The following PPFIBP2 variants were observed in gnomAD, a reference collection of about 807,000 sequenced individuals.
PPFIBP2 encodes the protein PPFIB scaffold protein 2.
Under a neutral mutation model 118.3 loss-of-function variants are expected in PPFIBP2, and 118 were observed. That is an observed-to-expected ratio of 1.00 (90% CI 0.86 to 1.16). The LOEUF (loss-of-function observed/expected upper bound fraction) is 1.16. PPFIBP2 is among the 50% of genes most tolerant of loss of function. The pLI, the probability that PPFIBP2 is intolerant of heterozygous loss-of-function variation, is 0.00. For missense variants in PPFIBP2, 1,195 were observed against 1,073.1 expected, an observed-to-expected ratio of 1.11 and a Z score of -1.59; for synonymous variants, 414 against 397.4, an observed-to-expected ratio of 1.04 and a Z score of -0.50.
At chr11:7,556,108 A>C (rs1853584684) in intron 2 of PPFIBP2, among the ~76,000 whole-genome samples, 1 of 152,222 alleles carries the variant, frequency 6.6e-6, no homozygotes, top group Non-Finnish European at 1.5e-5. Flanking sequence ...AACATATAAA[A>C]GCATTTGGCC....
At position 7,651,789 on chromosome 11, in the gene PPFIBP2, G is replaced by A. The variant is rs756491171; in HGVS notation, c.2381G>A (p.Arg794Gln). ...GGTCCGGAGGCTGAACAGGAGAAGC[G>A]AGAGAAAATGGCCTCACCAGCTTAC... ...LIGPEAEQEK[R>Q]EKMASPAYTP... The change falls in exon 23 of 24, where the codon CGA (arginine) becomes CAA (glutamine). Residue 794 changes from arginine to glutamine, a missense_variant. Coordinates refer to ENST00000299492, the MANE Select transcript of PPFIBP2 (RefSeq NM_003621.5). The A allele has an allele frequency of 1.5e-5, 25 of 1,613,938 alleles. No homozygotes were observed. In the Admixed American group the frequency reaches 1.8e-4, roughly 12 times the overall value.
chr11:7,610,055 A>T (rs560316848), intron 5 of PPFIBP2, among the ~76,000 whole-genome samples: 1 of 152,232 alleles, frequency 6.6e-6, no homozygotes, highest in Non-Finnish European at 1.5e-5. Context: ...CATTTGAGAA[A>T]TGTAGCTCAC....
intron 2 of PPFIBP2, among the ~76,000 whole-genome samples, chr11:7,564,371 T>C (rs750961555): frequency 2.0e-5 from 3 of 152,184 alleles, no homozygotes; most frequent in Non-Finnish European, 4.4e-5. Flanking sequence ...AAATGTAATA[T>C]GGACTCTCTC....
chr11:7,647,672 G>A (rs1853308947), intron 17 of PPFIBP2, among the ~76,000 whole-genome samples: 1 of 152,262 alleles, frequency 6.6e-6, no homozygotes, highest in East Asian at 1.9e-4. Flanking sequence ...GTTTATATGT[G>A]TATTTCGTAA....
At chr11:7,657,862 C>A (rs1031821949), downstream of PPFIBP2, among the ~76,000 whole-genome samples, 2 of 152,218 alleles carry the variant, frequency 1.3e-5, no homozygotes, top group Admixed American at 1.3e-4. Context: ...TCTTACCATA[C>A]CCGTCCTCAC....
chr11:7,558,960 A>G (rs1231099775), intron 2 of PPFIBP2, among the ~76,000 whole-genome samples: 2 of 152,184 alleles, frequency 1.3e-5, no homozygotes, highest in Non-Finnish European at 2.9e-5. Flanking sequence ...CAGCTTAAGC[A>G]TCATTTTAGT....
chr11:7,562,981 G>A (rs7128665), intron 2 of PPFIBP2, among the ~76,000 whole-genome samples: 26,128 of 88,720 alleles, frequency 0.29, 2,833 homozygotes, highest in Middle Eastern at 0.34. Context: ...ATATATACAC[G>A]CACACACACA....
chr11:7,543,864 AC>A (rs1274380407), intron 1 of PPFIBP2, among the ~76,000 whole-genome samples: 1 of 152,216 alleles, frequency 6.6e-6, no homozygotes, highest in African/African-American at 2.4e-5. Flanking sequence ...TAGAACACAT[AC>A]AGATCTTGCT....
chr11:7,610,755 A>G (rs1054222892), intron 6 of PPFIBP2, among the ~76,000 whole-genome samples: 1 of 152,186 alleles, frequency 6.6e-6, no homozygotes, highest in Non-Finnish European at 1.5e-5. Flanking sequence ...ATGACGACGT[A>G]CCGGAATGAA....
chr11:7,523,291 G>A (rs992239798), intron 1 of PPFIBP2, among the ~76,000 whole-genome samples: 1 of 152,170 alleles, frequency 6.6e-6, no homozygotes, highest in African/African-American at 2.4e-5. Flanking sequence ...TCTTTGTCAT[G>A]GACGCTGACA....
At chr11:7,518,505 TG>T (rs1849439701) in intron 1 of PPFIBP2, among the ~76,000 whole-genome samples, 1 of 152,094 alleles carries the variant, frequency 6.6e-6, no homozygotes, top group Non-Finnish European at 1.5e-5. Flanking sequence ...GTGGGAGTCC[TG>T]GTTGGGGACT....
intron 12 of PPFIBP2, among the ~76,000 whole-genome samples, chr11:7,634,103 C>G (rs10734621): frequency 0.92 from 139,899 of 152,186 alleles, 64,340 homozygotes; most frequent in East Asian, 0.99. Flanking sequence ...CCAGGTCCCT[C>G]CTCCCTGGAT....
chr11:7,648,576 C>T, intron 18 of PPFIBP2, 39 bp downstream of exon 18: 1 of 1,608,710 alleles, frequency 6.2e-7, no homozygotes, highest in Non-Finnish European at 8.5e-7. Flanking sequence ...TCCCATTTCT[C>T]CCCAAAGCAT....
intron 3 of PPFIBP2, among the ~76,000 whole-genome samples, chr11:7,568,488 C>G (rs1489555961): frequency 6.6e-6 from 1 of 152,204 alleles, no homozygotes; most frequent in African/African-American, 2.4e-5. Context: ...GAGGGAAACT[C>G]TCTGCAACCC....
intron 5 of PPFIBP2, among the ~76,000 whole-genome samples, chr11:7,600,445 G>A (rs1442506288): frequency 6.6e-6 from 1 of 152,222 alleles, no homozygotes; most frequent in Non-Finnish European, 1.5e-5. Context: ...TCTGAGCTAG[G>A]GACAGGCAAA....
chr11:7,651,566 C>A (rs1854008341), intron 22 of PPFIBP2, 90 bp from the exon 23 acceptor site: 2 of 1,246,876 alleles, frequency 1.6e-6, no homozygotes, highest in Admixed American at 2.1e-5. Context: ...TGGAGGCACC[C>A]CCAGCCCCAA....
At chr11:7,656,563 T>C (rs1262703021), downstream of PPFIBP2, among the ~76,000 whole-genome samples, 1 of 152,232 alleles carries the variant, frequency 6.6e-6, no homozygotes, top group African/African-American at 2.4e-5. Context: ...ATAGTGTTGT[T>C]TATTCTGACC....
intron 1 of PPFIBP2, among the ~76,000 whole-genome samples, chr11:7,544,691 A>C (rs1212355393): frequency 6.7e-6 from 1 of 149,514 alleles, no homozygotes; most frequent in Non-Finnish European, 1.5e-5. Flanking sequence ...GGAGAATGGC[A>C]TGAACCCGGG....
intron 3 of PPFIBP2, among the ~76,000 whole-genome samples, chr11:7,570,284 G>A (rs780421707): frequency 2.6e-5 from 4 of 152,224 alleles, no homozygotes; most frequent in Non-Finnish European, 5.9e-5. Context: ...GACCTAGGCT[G>A]ATACACAGTG....
Sources: allele counts gnomAD v4.1 joint callset (sites outside exome capture counted in the v4.1 genomes callset), GRCh38; gene constraint gnomAD v4.1.1; transcripts MANE v1.5; gene names NCBI Gene and HGNC (gene_info 2026-07-23, HGNC 2026-07-21).